Variants in TENT4A observed in about 807,000 individuals in gnomAD.
TENT4A encodes the protein DNA polymerase kappa.
A neutral mutation model predicts 72.8 loss-of-function variants in TENT4A; 7 were observed. The ratio of observed to expected loss-of-function variants is 0.10; its 90% CI spans 0.05 to 0.18. The LOEUF is 0.18. Ranked by LOEUF, TENT4A falls within the 10% of genes least tolerant of loss-of-function variation. The probability of loss-of-function intolerance (pLI) is 1.00; values close to 1 mark genes in which losing one functional copy is unlikely to be tolerated. For missense variants in TENT4A, 831 were observed against 1,017.7 expected (o/e 0.82, Z 2.50); for synonymous variants, 456 against 434.3 (o/e 1.05, Z -0.62).
intron 1 of TENT4A, among the ~76,000 whole-genome samples, chr5:6,715,365 C>T (rs530961105): frequency 2.0e-3 from 311 of 152,312 alleles, no homozygotes; most frequent in African/African-American, 7.2e-3. Context: ...ATTAGAGGCT[C>T]TACTTAAATT....
At chr5:6,751,264 A>T in intron 11 of TENT4A, 67 bp downstream of exon 11, 2 of 1,484,508 alleles carry the variant, frequency 1.3e-6, no homozygotes, top group Non-Finnish European at 1.9e-6. Flanking sequence ...TGTGATATGC[A>T]CTAGAGGAGA....
rs1561050542 is a variant in TENT4A at position 6,754,972 on chromosome 5, C to CA, written c.*28dup. ...GGCTCCTGGCTGCGTCAGCCTCCCC[C>CA]ACCCCTCTGCAGACTGCCCCGCGGC... On this transcript the variant is annotated 3_prime_UTR_variant, in exon 13 of 13. Transcript: ENST00000230859. 6.5e-7 allele frequency: 1 copy of CA among 1,546,368 alleles called. No individual in the cohort carries two copies. The highest frequency in any genetic ancestry group is 8.8e-7 in the Non-Finnish European group (1 of 1,137,390).
chr5:6,714,099 C>A lies in TENT4A; in HGVS notation c.116C>A (p.Ser39Tyr). The stretch of plus-strand genomic sequence containing the variant: ...GGCCGCGGCGGCTCGGGCTTCGCGT[C>A]CTATTTCTGCCTCAACTCGCCGGCG... ...GVGRGGSGFA[S>Y]YFCLNSPALD... is the part of the protein sequence containing the mutation. The change falls in exon 1 of 13, where the codon TCC (serine) becomes TAC (tyrosine). Residue 39 changes from serine (S) to tyrosine (Y), a missense_variant. This residue lies in a region of TENT4A where 302 missense variants were observed against 293.8 expected (regional missense o/e 1.03). Transcript: ENST00000230859. 1 of 983,030 alleles carries A rather than the reference C, an allele frequency of 1.0e-6. No individual in the cohort carries two copies. The highest frequency in any genetic ancestry group is 1.2e-6 in the Non-Finnish European group (1 of 830,216). The allele number at this position is 983,030 out of a possible 1,614,324, so 60.9% of individuals were successfully genotyped here.
At chr5:6,717,726 G>A (rs1006318283) in intron 1 of TENT4A, among the ~76,000 whole-genome samples, 1 of 152,232 alleles carries the variant, frequency 6.6e-6, no homozygotes, top group Non-Finnish European at 1.5e-5. Context: ...ACCTAGAGAT[G>A]TTGGGCAGGT....
At chr5:6,736,622 G>C (rs527397985) in intron 1 of TENT4A, among the ~76,000 whole-genome samples, 131 of 152,352 alleles carry the variant, frequency 8.6e-4, no homozygotes, top group Non-Finnish European at 1.4e-3. Flanking sequence ...GCAGTCATCT[G>C]TGTAGGCCTC....
chr5:6,720,007 T>A (rs10475342), intron 1 of TENT4A, among the ~76,000 whole-genome samples: 28,788 of 152,168 alleles, frequency 0.19, 2,946 homozygotes, highest in Non-Finnish European at 0.23. Context: ...TTGTCAGAAT[T>A]CAGTTCCTTG....
chr5:6,719,040 G>A (rs1272983212), intron 1 of TENT4A, among the ~76,000 whole-genome samples: 1 of 151,698 alleles, frequency 6.6e-6, no homozygotes, highest in South Asian at 2.1e-4. Context: ...TGTCTGTCTT[G>A]CTGCTGTGAG....
Position 6,741,161 on chromosome 5 carries a change from G to A in TENT4A, c.1008+1309G>A, listed in dbSNP as rs547946046. Among the ~76,000 whole-genome samples, 16 of 152,274 alleles carry A rather than the reference G, an allele frequency of 1.1e-4. No homozygotes were observed. In the South Asian group the frequency reaches 2.5e-3, roughly 24 times the overall value. On this transcript the variant is annotated intron_variant, in intron 4 of 12. Coordinates refer to ENST00000230859, the MANE Select transcript of TENT4A (RefSeq NM_006999.6). Reference sequence around the variant, plus strand: ...TAGTCCCAGTGACCTCGTTACTGTCGCATATTGGCTACTAAGTATCTTTTC... The same window carrying A: ...TAGTCCCAGTGACCTCGTTACTGTCACATATTGGCTACTAAGTATCTTTTC...
chr5:6,730,149 G>T (rs1054153021), intron 1 of TENT4A, among the ~76,000 whole-genome samples: 1 of 151,860 alleles, frequency 6.6e-6, no homozygotes, highest in Non-Finnish European at 1.5e-5. Context: ...CATTTGCAGC[G>T]TGCTTGGGTT....
intron 1 of TENT4A, among the ~76,000 whole-genome samples, chr5:6,728,145 G>A (rs1056174676): frequency 8.5e-5 from 13 of 152,164 alleles, no homozygotes; most frequent in South Asian, 2.1e-4. Context: ...GTCTCACGGC[G>A]CCCGTGAGGT....
intron 1 of TENT4A, among the ~76,000 whole-genome samples, chr5:6,726,986 C>G (rs1167335639): frequency 6.6e-6 from 1 of 152,106 alleles, no homozygotes; most frequent in Non-Finnish European, 1.5e-5. Flanking sequence ...GACCTTAGCT[C>G]TCTTAGTACA....
rs28381392 is a variant in TENT4A, at chr5:6,746,402, G to A, written c.1434G>A (p.Leu478=). The A allele has an allele frequency of 1.2e-6, 2 of 1,614,142 alleles. No individual in the cohort carries two copies. Among genetic ancestry groups the A allele is most frequent in the South Asian group, 1.1e-5 (1 of 91,066 alleles). ...AMTSGYRPSM[L]CIEDPLLPGN... The stretch of plus-strand genomic sequence containing the variant: ...CCAGCGGGTACAGACCGTCGATGCT[G>A]TGCATTGAGGACCCCCTGCTGCCAG... The change falls in exon 7 of 13, where the codon CTG becomes CTA. Residue 478 remains leucine (L), a synonymous_variant. Coordinates refer to ENST00000230859, the MANE Select transcript of TENT4A (RefSeq NM_006999.6).
At chr5:6,722,444 G>A (rs1467071100) in intron 1 of TENT4A, among the ~76,000 whole-genome samples, 2 of 152,092 alleles carry the variant, frequency 1.3e-5, no homozygotes, top group African/African-American at 4.8e-5. Flanking sequence ...TGGGAGTGGG[G>A]GGCTAGAGGG....
chr5:6,743,598 G>C lies in TENT4A; in HGVS notation c.1117-114G>C. On this transcript the variant is annotated intron_variant, in intron 5 of 12. Coordinates refer to ENST00000230859, the MANE Select transcript of TENT4A (RefSeq NM_006999.6). ...GAGACTTAATGACTGAGAGCCTTCAGATGGGCAAGAGGATCGAGGAAACTT... is the reference window on the plus strand; with the variant it reads ...GAGACTTAATGACTGAGAGCCTTCACATGGGCAAGAGGATCGAGGAAACTT... 3 of 817,946 alleles carry C rather than the reference G, an allele frequency of 3.7e-6. No homozygotes were observed. The South Asian group carries it at 5.3e-5, about 15-fold the overall frequency. The allele number at this position is 817,946 out of a possible 1,614,324, so 50.7% of individuals were successfully genotyped here.
intron 1 of TENT4A, among the ~76,000 whole-genome samples, chr5:6,728,293 C>T (rs1229037333): frequency 2.0e-5 from 3 of 152,226 alleles, no homozygotes; most frequent in Admixed American, 6.5e-5. Flanking sequence ...GTATTCATCA[C>T]CAATGAATAG....
chr5:6,729,964 A>G (rs1190973931), intron 1 of TENT4A, among the ~76,000 whole-genome samples: 1 of 152,100 alleles, frequency 6.6e-6, no homozygotes, highest in Non-Finnish European at 1.5e-5. Context: ...CTTCTTTAGC[A>G]GTGGGCTTAG....
Position 6,748,486 on chromosome 5 carries a change from C to A in TENT4A, c.1482C>A (p.Ser494=), listed in dbSNP as rs765651721. 1.8e-4 allele frequency: 286 copies of A among 1,614,048 alleles called. 1 individual carries two copies. The Admixed American group carries it at 4.7e-3, about 26-fold the overall frequency. The change falls in exon 8 of 13, where the codon TCC becomes TCA. Residue 494 remains serine, a synonymous_variant. Transcript: ENST00000230859. ...CAGGGAATGACGTTGGCCGGAGCTC[C>A]TATGGCGCCATGCAGGTGAAGCAGG... ...LLPGNDVGRS[S]YGAMQVKQVF... is the part of the protein sequence containing the mutation.
intron 1 of TENT4A, among the ~76,000 whole-genome samples, chr5:6,730,506 C>T (rs1195963239): frequency 1.3e-5 from 2 of 152,196 alleles, no homozygotes; most frequent in Non-Finnish European, 2.9e-5. Context: ...CCTCCTCTGT[C>T]GGTAGCTGTC....
intron 3 of TENT4A, among the ~76,000 whole-genome samples, chr5:6,739,083 T>G (rs930771818): frequency 9.2e-5 from 14 of 152,248 alleles, no homozygotes; most frequent in African/African-American, 3.4e-4. Flanking sequence ...TTGATGAAGA[T>G]TCAAGCAAAA....
Sources: allele counts gnomAD v4.1 joint callset (sites outside exome capture counted in the v4.1 genomes callset), GRCh38; gene constraint gnomAD v4.1.1; regional missense constraint gnomAD v4.1.1; transcripts MANE v1.5; gene names NCBI Gene and HGNC (gene_info 2026-07-23, HGNC 2026-07-21).